The following PAPSS1 variants were observed in gnomAD, a reference collection of about 807,000 sequenced individuals.
The protein encoded by PAPSS1 is bifunctional 3'-phosphoadenosine 5'-phosphosulfate synthase 1.
PAPSS1 carries 50 observed loss-of-function variants against 72.0 expected under a neutral mutation model. The observed-to-expected ratio is 0.69, with a 90% CI of 0.55 to 0.88. The LOEUF is 0.88. PAPSS1 is among the 40% of genes least tolerant of loss of function. The pLI is 0.00. For synonymous variants in PAPSS1, 261 were observed against 263.6 expected, an observed-to-expected ratio of 0.99 and a Z score of 0.09; for missense variants, 657 against 782.2, an observed-to-expected ratio of 0.84 and a Z score of 1.91.
chr4:107,627,526 T>TG (rs1241246688), intron 11 of PAPSS1, among the ~76,000 whole-genome samples: 1 of 152,144 alleles, frequency 6.6e-6, no homozygotes, highest in Admixed American at 6.5e-5. Context: ...GGTTTTAAAG[T>TG]GGGGAGCTTT....
At chr4:107,644,689 A>T in intron 10 of PAPSS1, 113 bp downstream of exon 10, 1 of 969,922 alleles carries the variant, frequency 1.0e-6, no homozygotes, top group African/African-American at 1.7e-5. Flanking sequence ...ATGTATAACA[A>T]ATGTTTGGAA....
chr4:107,684,880 C>T (rs1286116914), intron 4 of PAPSS1, among the ~76,000 whole-genome samples: 5 of 152,072 alleles, frequency 3.3e-5, no homozygotes, highest in East Asian at 1.9e-4. Context: ...CATGGTCAAT[C>T]GTATTTGGTT....
At chr4:107,717,721 C>T (rs1335619670) in intron 1 of PAPSS1, among the ~76,000 whole-genome samples, 1 of 152,194 alleles carries the variant, frequency 6.6e-6, no homozygotes, top group Admixed American at 6.5e-5. Flanking sequence ...TAACTAATAT[C>T]ACCCTTACCC....
chr4:107,682,514 C>A (rs1021019386), intron 4 of PAPSS1, among the ~76,000 whole-genome samples: 1 of 152,160 alleles, frequency 6.6e-6, no homozygotes, highest in Admixed American at 6.5e-5. Flanking sequence ...GCCAGGAGTA[C>A]TGATGTGGAG....
intron 10 of PAPSS1, among the ~76,000 whole-genome samples, chr4:107,633,779 T>C (rs990364532): frequency 1.5e-4 from 22 of 151,422 alleles, no homozygotes; most frequent in African/African-American, 5.3e-4. Flanking sequence ...ATTAGCCGGG[T>C]GTGGTGGCGG....
Position 107,713,376 on chromosome 4 carries a change from T to C in PAPSS1, c.60+6744A>G, listed in dbSNP as rs549465702. Reference sequence around the variant, plus strand: ...CTACTAATGGGTATAAGGTTTCTTTTTGGGGACATGTAAATGTTCTAAAAT... The same window carrying C: ...CTACTAATGGGTATAAGGTTTCTTTCTGGGGACATGTAAATGTTCTAAAAT... On this transcript the variant is annotated intron_variant, in intron 1 of 11. Transcript: ENST00000265174. Among the ~76,000 whole-genome samples the C allele has an allele frequency of 9.2e-5, 14 of 152,206 alleles. 1 individual carries two copies. The South Asian group carries it at 1.9e-3, about 20-fold the overall frequency.
intron 11 of PAPSS1, among the ~76,000 whole-genome samples, chr4:107,630,865 G>A (rs907838496): frequency 2.0e-5 from 3 of 152,038 alleles, no homozygotes; most frequent in Non-Finnish European, 4.4e-5. Flanking sequence ...AGATTGTTGT[G>A]GAAAATACAA....
intron 11 of PAPSS1, among the ~76,000 whole-genome samples, chr4:107,630,860 G>A (rs1331930220): frequency 6.6e-6 from 1 of 152,172 alleles, no homozygotes; most frequent in East Asian, 1.9e-4. Flanking sequence ...TTTAGAGATT[G>A]TTGTGGAAAA....
intron 10 of PAPSS1, among the ~76,000 whole-genome samples, chr4:107,637,698 A>C (rs1726426282): frequency 6.6e-6 from 1 of 152,224 alleles, no homozygotes; most frequent in Non-Finnish European, 1.5e-5. Flanking sequence ...TATAAGGCCA[A>C]CTTTATATTC....
At chr4:107,626,857 A>C (rs1726113665) in intron 11 of PAPSS1, among the ~76,000 whole-genome samples, 1 of 152,192 alleles carries the variant, frequency 6.6e-6, no homozygotes, top group African/African-American at 2.4e-5. Flanking sequence ...TTTGAACACA[A>C]ACACAAAAAG....
At chr4:107,616,089 AG>A (rs948096301) in intron 11 of PAPSS1, among the ~76,000 whole-genome samples, 2 of 149,858 alleles carry the variant, frequency 1.3e-5, no homozygotes, top group East Asian at 4.0e-4. Context: ...ATAGAGAGAG[AG>A]AGAGAGAGAG....
chr4:107,644,633 G>A (rs948658475), intron 10 of PAPSS1, among the ~76,000 whole-genome samples, 169 bp downstream of exon 10: 20 of 152,196 alleles, frequency 1.3e-4, no homozygotes, highest in African/African-American at 4.8e-4. Flanking sequence ...TCTCAAGGCT[G>A]CCCCTAGCAT....
intron 1 of PAPSS1, among the ~76,000 whole-genome samples, chr4:107,717,773 C>G (rs1723675956): frequency 1.3e-5 from 2 of 152,164 alleles, no homozygotes; most frequent in African/African-American, 4.8e-5. Flanking sequence ...AGGTAACAAC[C>G]TTTCTCCCCA....
At chr4:107,666,628 C>A (rs1016700847) in intron 5 of PAPSS1, among the ~76,000 whole-genome samples, 2 of 152,126 alleles carry the variant, frequency 1.3e-5, no homozygotes, top group Non-Finnish European at 2.9e-5. Context: ...GTACAGCATA[C>A]TAAAAACATT....
intron 10 of PAPSS1, among the ~76,000 whole-genome samples, chr4:107,632,924 T>C (rs1352107542): frequency 6.6e-6 from 1 of 152,244 alleles, no homozygotes; most frequent in African/African-American, 2.4e-5. Context: ...TTCTCTCTCC[T>C]GGTAATCTCC....
chr4:107,693,295 A>T (rs937637675), intron 3 of PAPSS1, among the ~76,000 whole-genome samples: 1 of 152,260 alleles, frequency 6.6e-6, no homozygotes, highest in South Asian at 2.1e-4. Context: ...GAAATGACAT[A>T]ATTTTTTCAG....
At chr4:107,708,931 G>A (rs1723416073) in intron 1 of PAPSS1, among the ~76,000 whole-genome samples, 2 of 152,208 alleles carry the variant, frequency 1.3e-5, no homozygotes, top group South Asian at 4.1e-4. Flanking sequence ...CCAATCAAAT[G>A]TGGCCAACTG....
chr4:107,626,912 T>A (rs759806471), intron 11 of PAPSS1, among the ~76,000 whole-genome samples: 21 of 152,246 alleles, frequency 1.4e-4, no homozygotes, highest in Non-Finnish European at 2.6e-4. Flanking sequence ...TTATTACTTA[T>A]TAAGATTTGG....
intron 5 of PAPSS1, among the ~76,000 whole-genome samples, chr4:107,671,604 T>G (rs1727469756): frequency 1.3e-5 from 2 of 151,968 alleles, no homozygotes; most frequent in Non-Finnish European, 2.9e-5. Context: ...TATAAAAAAA[T>G]CAAAACAAAT....
Sources: allele counts gnomAD v4.1 joint callset (sites outside exome capture counted in the v4.1 genomes callset), GRCh38; gene constraint gnomAD v4.1.1; transcripts MANE v1.5; gene names NCBI Gene and HGNC (gene_info 2026-07-23, HGNC 2026-07-21).